The following NASP variants were observed in gnomAD, a reference collection of about 807,000 sequenced individuals.
The protein encoded by NASP is nuclear autoantigenic sperm protein, also known as NASP histone chaperone.
Under a neutral mutation model 89.5 loss-of-function variants are expected in NASP, and 24 were observed. The observed-to-expected ratio is 0.27, with a 90% confidence interval of 0.19 to 0.38. The LOEUF (loss-of-function observed/expected upper bound fraction) is 0.38. NASP is among the 10% of genes least tolerant of loss of function. The pLI, the probability that NASP is intolerant of heterozygous loss-of-function variation, is 1.00. For synonymous variants in NASP, 306 were observed against 324.7 expected (o/e 0.94, Z 0.62); for missense variants, 848 against 921.4 (o/e 0.92, Z 1.03).
chr1:45,616,783 T>G, intron 13 of NASP, 80 bp downstream of exon 13: 1 of 1,295,732 alleles, frequency 7.7e-7, no homozygotes, highest in Non-Finnish European at 1.1e-6. Flanking sequence ...CCCCTCCCTA[T>G]AGTTGGTGCA....
chr1:45,596,188 T>A (rs1643689478), intron 2 of NASP, among the ~76,000 whole-genome samples: 2 of 152,236 alleles, frequency 1.3e-5, no homozygotes, highest in South Asian at 4.1e-4. Flanking sequence ...AGACTGACAG[T>A]ATCCTAATAC....
At position 45,606,348 on chromosome 1, in the gene NASP, A is replaced by G. The variant is rs368644427; in HGVS notation, c.300-134A>G. 3.3e-5 allele frequency: 20 copies of G among 602,070 alleles called. No individual in the cohort carries two copies. The African/African-American group carries it at 3.7e-4, about 11-fold the overall frequency. 37.3% of individuals were successfully genotyped at this position (602,070 alleles called of 1,614,324 possible). On this transcript the variant is annotated intron_variant, in intron 4 of 14. Transcript: ENST00000350030. ...AAAGTTTTGATCATTGCTTCCTTGA[A>G]TATACATAGTTTTGTATTGCCTGCG...
intron 1 of NASP, among the ~76,000 whole-genome samples, chr1:45,585,960 T>C (rs889292866): frequency 1.3e-5 from 2 of 152,188 alleles, no homozygotes; most frequent in South Asian, 2.1e-4. Context: ...TTTTTGTTTT[T>C]TGAGGTAGAA....
At chr1:45,605,774 G>GTT (rs66530330) in intron 4 of NASP, 37 of 129,542 alleles carry the variant, frequency 2.9e-4, no homozygotes, top group East Asian at 1.1e-3. Flanking sequence ...GTTCTGATAA[G>GTT]TTTTTTTTTT....
rs1643960339 is a variant in NASP, at chr1:45,609,170, C to T, written c.1426+833C>T. ...ATTATTACATAACTGGCACGTCTGA[C>T]TTTTGCTATCATTTGAGGATTCTAC... On this transcript the variant is annotated intron_variant, in intron 6 of 14. Coordinates refer to ENST00000350030, the MANE Select transcript of NASP (RefSeq NM_002482.4). 2 of 152,208 alleles carry T rather than the reference C, an allele frequency of 1.3e-5. 1 individual carries two copies. Among genetic ancestry groups the T allele is most frequent in the South Asian group, 4.1e-4 (2 of 4,830 alleles). 9.4% of individuals were successfully genotyped at this position (152,208 alleles called of 1,614,324 possible).
chr1:45,606,550 C>A lies in NASP; in HGVS notation c.368C>A (p.Thr123Lys). ...GTGGAAGAGGAAGAAGGAGAAAAAACAGAAGATGAATCTCTGGTAGAAAAT... is the reference window on the plus strand; with the variant it reads ...GTGGAAGAGGAAGAAGGAGAAAAAAAAGAAGATGAATCTCTGGTAGAAAAT... ...VHVEEEEGEK[T>K]EDESLVENND... Residue 123 changes from threonine to lysine, a missense_variant, in exon 5 of 15, where the codon ACA becomes AAA. By Grantham distance (78) the Thr-to-Lys change is moderately conservative (BLOSUM62 -1). Around this residue, in one of 5 missense-constraint regions of NASP, gnomAD observed 464 missense variants for 469.4 expected, o/e 0.99. Transcript: ENST00000350030. The A allele has an allele frequency of 6.2e-7, 1 of 1,613,406 alleles. No individual in the cohort carries two copies. Among genetic ancestry groups the A allele is most frequent in the South Asian group, 1.1e-5 (1 of 91,068 alleles).
chr1:45,607,756 C>A lies in NASP; in HGVS notation c.845C>A (p.Pro282His), dbSNP rs772598195. ...CCAAAAGAAGTTTCAGAAGAGCAGC[C>A]TGTGGTGACTCTAGAAAAGCAGGGC... The part of the protein sequence containing the change: ...EKPKEVSEEQ[P>H]VVTLEKQGTA... Residue 282 changes from proline (P) to histidine (H), a missense_variant, in exon 6 of 15, where the codon CCT becomes CAT. Physicochemically the swap from Pro to His is moderately conservative, Grantham distance 77. Around this residue, in one of 5 missense-constraint regions of NASP, gnomAD observed 464 missense variants for 469.4 expected, o/e 0.99. Coordinates refer to ENST00000350030, the MANE Select transcript of NASP (RefSeq NM_002482.4). 7.4e-6 allele frequency: 12 copies of A among 1,613,942 alleles called. No individual in the cohort carries two copies. The highest frequency in any genetic ancestry group is 2.2e-5 in the South Asian group (2 of 91,082).
chr1:45,614,054 T>A, intron 7 of NASP, 42 bp from the exon 8 acceptor site: 2 of 1,414,148 alleles, frequency 1.4e-6, no homozygotes, highest in South Asian at 1.2e-5. Context: ...GATTTGTATT[T>A]GAAAAAGATG....
intron 3 of NASP, 90 bp from the exon 4 acceptor site, chr1:45,604,846 G>A: frequency 9.9e-7 from 1 of 1,007,718 alleles, no homozygotes; most frequent in South Asian, 1.5e-5. Context: ...GTATGTTACT[G>A]GAGAAATATC....
chr1:45,603,282 T>C (rs368492685), intron 3 of NASP, among the ~76,000 whole-genome samples: 3 of 152,258 alleles, frequency 2.0e-5, no homozygotes, highest in East Asian at 3.8e-4. Flanking sequence ...TCCTCAAATA[T>C]AGTATTAGCA....
At position 45,594,064 on chromosome 1, in the gene NASP, C is replaced by T. The variant is rs79858098; in HGVS notation, c.107+2794C>T. ...AGGAAAGAAACAAAATAGGGCTAGG[C>T]GCGGTGGCTCACGCACTTTGGGAGG... On this transcript the variant is annotated intron_variant, in intron 2 of 14. Transcript: ENST00000350030. 5.8e-4 allele frequency among the ~76,000 whole-genome samples: 88 copies of T among 151,362 alleles called. No individual in the cohort carries two copies. The East Asian group carries it at 0.013, about 23-fold the overall frequency.
chr1:45,601,745 ATT>A (rs71056316), intron 2 of NASP, among the ~76,000 whole-genome samples: 261 of 68,872 alleles, frequency 3.8e-3, no homozygotes, highest in African/African-American at 0.014. Flanking sequence ...CGTTAAGAGA[ATT>A]TTTTTTTTTT....
intron 2 of NASP, among the ~76,000 whole-genome samples, chr1:45,599,010 A>G (rs933683644): frequency 2.3e-4 from 35 of 152,332 alleles, no homozygotes; most frequent in African/African-American, 7.9e-4. Flanking sequence ...GTCCATTAGC[A>G]AATTTTAAAA....
chr1:45,608,510 A>G (rs1204027023), intron 6 of NASP, 173 bp downstream of exon 6: 5 of 658,488 alleles, frequency 7.6e-6, no homozygotes, highest in Middle Eastern at 2.9e-4. Context: ...AGTAAGTTCA[A>G]TCAAAAGCAG....
intron 2 of NASP, among the ~76,000 whole-genome samples, chr1:45,601,321 C>CTA (rs1404828075): frequency 6.6e-6 from 1 of 152,068 alleles, no homozygotes; most frequent in East Asian, 1.9e-4. Flanking sequence ...TTTAGAAAGC[C>CTA]TATGATCCAT....
At chr1:45,610,515 A>C (rs1029213047) in intron 6 of NASP, 4 of 152,206 alleles carry the variant, frequency 2.6e-5, no homozygotes, top group Admixed American at 6.5e-5. Context: ...TTTTTCACTT[A>C]AAAATTAAAA....
chr1:45,613,066 GCCTGT>G, intron 6 of NASP, 98 bp from the exon 7 acceptor site: 1 of 1,436,906 alleles, frequency 7.0e-7, no homozygotes, highest in Non-Finnish European at 9.2e-7. Context: ...TTAGCATCTG[GCCTGT>G]CCTATCTGAA....
chr1:45,584,045 A>T lies in NASP; in HGVS notation c.-102A>T. The stretch of plus-strand genomic sequence containing the variant: ...AGGGCCCCGGCCGCGCGGGGTCTCT[A>T]ATCTGCCATTTTCTGTCCCTGAGTG... On this transcript the variant is annotated 5_prime_UTR_variant, in exon 1 of 15. Coordinates refer to ENST00000350030, the MANE Select transcript of NASP (RefSeq NM_002482.4). 8.8e-7 allele frequency: 1 copy of T among 1,136,688 alleles called. No individual in the cohort carries two copies. The highest frequency in any genetic ancestry group is 2.6e-5 in the East Asian group (1 of 37,912). The allele number at this position is 1,136,688 out of a possible 1,614,324, so 70.4% of individuals were successfully genotyped here. A position where few individuals can be genotyped will look rare whatever the true frequency, so the allele number is the denominator to read the frequency against.
chr1:45,612,584 G>T (rs1406113334), intron 6 of NASP: 1 of 152,256 alleles, frequency 6.6e-6, no homozygotes, highest in Non-Finnish European at 1.5e-5. Flanking sequence ...TAAAATAGGG[G>T]TTATAGTATT....
Sources: allele counts gnomAD v4.1 joint callset (sites outside exome capture counted in the v4.1 genomes callset), GRCh38; gene constraint gnomAD v4.1.1; regional missense constraint gnomAD v4.1.1; transcripts MANE v1.5; gene names NCBI Gene and HGNC (gene_info 2026-07-23, HGNC 2026-07-21).